Variants in ZC4H2 observed in about 807,000 individuals in gnomAD.
ZC4H2 encodes zinc finger C4H2 domain-containing protein.
For synonymous variants in ZC4H2, 84 were observed against 66.3 expected (o/e 1.27, Z -1.30); for missense variants, 137 against 173.9 (o/e 0.79, Z 1.19).
intron 1 of ZC4H2, among the ~76,000 whole-genome samples, chrX:64,933,387 G>A (rs754738931): frequency 8.9e-6 from 1 of 111,773 alleles, no homozygotes; most frequent in East Asian, 2.8e-4. Flanking sequence ...TGGATCCAAT[G>A]CTGGGGAGCT....
At chrX:64,986,496 T>C (rs1470157720) in intron 1 of ZC4H2, among the ~76,000 whole-genome samples, 1 of 111,877 alleles carries the variant, frequency 8.9e-6, no homozygotes, top group East Asian at 2.8e-4. Flanking sequence ...TACGGTATAT[T>C]AAGTGGCAAG....
At chrX:64,967,261 G>A (rs1931624646) in intron 1 of ZC4H2, among the ~76,000 whole-genome samples, 1 of 111,427 alleles carries the variant, frequency 9.0e-6, no homozygotes, top group South Asian at 3.8e-4. Flanking sequence ...TCTCTGTCCA[G>A]CAATTGAGAA....
At chrX:64,988,305 A>G (rs1230065010) in intron 1 of ZC4H2, among the ~76,000 whole-genome samples, 1 of 111,457 alleles carries the variant, frequency 9.0e-6, no homozygotes, top group African/African-American at 3.3e-5. Context: ...CTGAGGAATC[A>G]CCACACTGAC....
intron 1 of ZC4H2, among the ~76,000 whole-genome samples, chrX:64,971,006 CACAT>C (rs748460569): frequency 1.8e-4 from 20 of 112,015 alleles, no homozygotes; most frequent in Admixed American, 6.6e-4. Context: ...ACACAATACA[CACAT>C]ACACATATTT....
intron 1 of ZC4H2, among the ~76,000 whole-genome samples, chrX:64,946,912 G>C (rs1414005550): frequency 9.1e-6 from 1 of 109,964 alleles, no homozygotes; most frequent in South Asian, 3.9e-4. Flanking sequence ...CTTCTTCCTC[G>C]AGTTTCTTGA....
intron 1 of ZC4H2, among the ~76,000 whole-genome samples, chrX:64,951,652 G>C (rs1157470246): frequency 1.6e-4 from 18 of 111,425 alleles, no homozygotes; most frequent in Middle Eastern, 4.6e-3. Flanking sequence ...GGGGTTGTTT[G>C]TTTTTTCTTG....
At chrX:64,947,117 G>T (rs1164526877) in intron 1 of ZC4H2, among the ~76,000 whole-genome samples, 1 of 111,961 alleles carries the variant, frequency 8.9e-6, no homozygotes, top group Non-Finnish European at 1.9e-5. Flanking sequence ...ATGTTGTTTA[G>T]TGTCCAAGCG....
intron 1 of ZC4H2, among the ~76,000 whole-genome samples, chrX:64,989,724 T>C (rs1193469686): frequency 1.1e-4 from 12 of 112,315 alleles, no homozygotes; most frequent in African/African-American, 2.6e-4. Flanking sequence ...TCAAAAGATA[T>C]GAAGAAACAT....
chrX:64,934,736 G>A (rs1013934152), intron 1 of ZC4H2, among the ~76,000 whole-genome samples: 15 of 111,670 alleles, frequency 1.3e-4, no homozygotes, highest in Admixed American at 1.1e-3. Context: ...GAAGTGCAAG[G>A]GGTCGGGGAA....
chrX:64,945,462 C>G (rs1179501621), intron 1 of ZC4H2, among the ~76,000 whole-genome samples: 1 of 111,421 alleles, frequency 9.0e-6, no homozygotes, highest in Non-Finnish European at 1.9e-5. Flanking sequence ...AACTTCATCC[C>G]AGAGGGGCAC....
intron 1 of ZC4H2, among the ~76,000 whole-genome samples, chrX:64,952,294 G>C (rs904868129): frequency 9.2e-6 from 1 of 108,506 alleles, no homozygotes; most frequent in African/African-American, 3.4e-5. Flanking sequence ...GCTCTTTTTT[G>C]GTTCCATATG....
intron 1 of ZC4H2, among the ~76,000 whole-genome samples, chrX:64,954,160 G>T (rs962367476): frequency 6.8e-5 from 7 of 102,795 alleles, no homozygotes; most frequent in African/African-American, 2.6e-4. Context: ...ATACACCGGG[G>T]CCTGTTGTGG....
At chrX:64,959,129 T>C (rs774193619) in intron 1 of ZC4H2, among the ~76,000 whole-genome samples, 1 of 110,333 alleles carries the variant, frequency 9.1e-6, no homozygotes, top group Non-Finnish European at 1.9e-5. Context: ...ACCATTCCCA[T>C]TGCTATTTTC....
rs778747674 is a variant in ZC4H2 at position 64,988,561 on chromosome X, C to T, written c.-272+46068G>A. On this transcript the variant is annotated intron_variant, in intron 1 of 4. Coordinates refer to the ZC4H2 transcript ENST00000337990. The stretch of plus-strand genomic sequence containing the variant: ...TTGAGAAGTGTCTGTTCATATCCTT[C>T]GCCCACTTTTTGATGGGTTTGTTTT... 5.9e-4 allele frequency among the ~76,000 whole-genome samples: 65 copies of T among 110,786 alleles called. No homozygotes were observed. The East Asian group carries it at 5.9e-3, about 10-fold the overall frequency.
At chrX:64,929,289 G>C (rs1393260167) in intron 1 of ZC4H2, among the ~76,000 whole-genome samples, 1 of 111,140 alleles carries the variant, frequency 9.0e-6, no homozygotes, top group Non-Finnish European at 1.9e-5. Context: ...CAGATGCATA[G>C]TTTGCAAATA....
chrX:64,977,633 G>A (rs1320629295), upstream of ZC4H2, among the ~76,000 whole-genome samples: 1 of 110,469 alleles, frequency 9.1e-6, no homozygotes, highest in Non-Finnish European at 1.9e-5. Flanking sequence ...CGAGTAACTG[G>A]GATTACAGGC....
chrX:65,003,054 T>TA (rs745876339), intron 1 of ZC4H2, among the ~76,000 whole-genome samples: 67 of 56,914 alleles, frequency 1.2e-3, no homozygotes, highest in East Asian at 2.0e-3. Flanking sequence ...GAATGATCAA[T>TA]AAAAAAAAAA....
At chrX:65,018,914 G>T (rs1046696585) in intron 1 of ZC4H2, among the ~76,000 whole-genome samples, 19 of 111,752 alleles carry the variant, frequency 1.7e-4, no homozygotes, top group African/African-American at 4.9e-4. Flanking sequence ...AAACAAAGCT[G>T]CCAGGAAGTT....
chrX:64,996,404 T>C (rs1029095874), intron 1 of ZC4H2, among the ~76,000 whole-genome samples: 3 of 109,103 alleles, frequency 2.7e-5, no homozygotes, highest in African/African-American at 1.0e-4. Flanking sequence ...AGTTACCACA[T>C]TATAATATCC....
Sources: allele counts gnomAD v4.1 joint callset (sites outside exome capture counted in the v4.1 genomes callset), GRCh38; gene constraint gnomAD v4.1.1; transcripts MANE v1.5; gene names NCBI Gene and HGNC (gene_info 2026-07-23, HGNC 2026-07-21).